MPP7: variants seen among roughly 807,000 people sequenced by gnomAD.
MPP7 encodes MAGUK p55 scaffold protein 7.
Under a neutral mutation model 76.5 loss-of-function variants are expected in MPP7, and 60 were observed. The ratio of observed to expected loss-of-function variants is 0.78; its 90% CI spans 0.64 to 0.97. MPP7 has a LOEUF of 0.97. Among genes scored for constraint, MPP7 ranks in the 50% least tolerant of loss-of-function variants. MPP7 has a pLI of 0.00. For missense variants in MPP7, 641 were observed against 694.0 expected (o/e 0.92, Z 0.86); for synonymous variants, 237 against 244.5 (o/e 0.97, Z 0.29).
chr10:28,295,265 C>A (rs1230282407), intron 1 of MPP7, among the ~76,000 whole-genome samples: 1 of 152,008 alleles, frequency 6.6e-6, no homozygotes, highest in Non-Finnish European at 1.5e-5. Flanking sequence ...GAAACGAAAA[C>A]AGTGTTAGTT....
chr10:28,232,752 T>A (rs990792485), intron 2 of MPP7, among the ~76,000 whole-genome samples: 1 of 152,140 alleles, frequency 6.6e-6, no homozygotes, highest in South Asian at 2.1e-4. Flanking sequence ...TAGTCTGACG[T>A]AGGAGTCATT....
intron 3 of MPP7, among the ~76,000 whole-genome samples, chr10:28,161,121 T>C (rs1379379473): frequency 6.6e-6 from 1 of 152,218 alleles, no homozygotes; most frequent in Admixed American, 6.5e-5. Context: ...GCTATTATCA[T>C]CTTCTTTTAT....
intron 3 of MPP7, among the ~76,000 whole-genome samples, chr10:28,179,343 T>A (rs2133900438): frequency 6.6e-6 from 1 of 152,304 alleles, no homozygotes; most frequent in East Asian, 1.9e-4. Context: ...AATTACACAC[T>A]TACTCAAGTG....
At chr10:28,186,250 G>T (rs889970179) in intron 3 of MPP7, among the ~76,000 whole-genome samples, 24 of 151,956 alleles carry the variant, frequency 1.6e-4, no homozygotes, top group Non-Finnish European at 2.9e-4. Context: ...GGAGGCTGAG[G>T]CAGGAGAATC....
intron 1 of MPP7, among the ~76,000 whole-genome samples, chr10:28,243,506 C>T (rs570426425): frequency 1.3e-5 from 2 of 151,866 alleles, no homozygotes; most frequent in Admixed American, 6.6e-5. Flanking sequence ...CATGCATGAA[C>T]GACATCCATT....
chr10:28,067,063 G>A (rs534575914), intron 13 of MPP7, among the ~76,000 whole-genome samples: 134 of 152,234 alleles, frequency 8.8e-4, no homozygotes, highest in South Asian at 5.4e-3. Context: ...TGTGCAGTAG[G>A]AGCGGAATTG....
At chr10:28,066,589 A>G (rs1242175171) in intron 13 of MPP7, among the ~76,000 whole-genome samples, 2 of 152,162 alleles carry the variant, frequency 1.3e-5, no homozygotes, top group Non-Finnish European at 2.9e-5. Context: ...AATAACTGAT[A>G]TATATACACA....
At chr10:28,081,629 T>G (rs1852763129) in intron 12 of MPP7, among the ~76,000 whole-genome samples, 1 of 152,194 alleles carries the variant, frequency 6.6e-6, no homozygotes, top group Admixed American at 6.5e-5. Context: ...TCATTAAATA[T>G]AAGAATAAAA....
intron 5 of MPP7, among the ~76,000 whole-genome samples, chr10:28,138,026 T>C (rs1419284427): frequency 6.6e-6 from 1 of 152,218 alleles, no homozygotes; most frequent in African/African-American, 2.4e-5. Context: ...GAAGCTTCAT[T>C]CATCTTGCAT....
chr10:28,313,514 AAAAT>A (rs944620482), intron 2 of MPP7, among the ~76,000 whole-genome samples: 13 of 58,132 alleles, frequency 2.2e-4, no homozygotes, highest in Non-Finnish European at 3.2e-4. Flanking sequence ...TCAGAAAGAT[AAAAT>A]AAAAAAAAAG....
intron 11 of MPP7, among the ~76,000 whole-genome samples, chr10:28,109,984 A>T (rs1377855293): frequency 2.0e-5 from 3 of 151,568 alleles, no homozygotes. Flanking sequence ...TTTAAACATC[A>T]TGCAGGGTTT....
chr10:28,078,927 A>T (rs1347336069), intron 12 of MPP7, among the ~76,000 whole-genome samples: 1 of 152,224 alleles, frequency 6.6e-6, no homozygotes, highest in Non-Finnish European at 1.5e-5. Context: ...TAAATTTAAG[A>T]AAACAGTCAC....
chr10:28,151,368 AGAAACTAT>A (rs1330626526), intron 3 of MPP7, among the ~76,000 whole-genome samples: 2 of 152,238 alleles, frequency 1.3e-5, no homozygotes, highest in Non-Finnish European at 2.9e-5. Context: ...ATTTGATTTG[AGAAACTAT>A]GAACATTTAA....
chr10:28,158,916 T>C (rs1836163031), intron 3 of MPP7, among the ~76,000 whole-genome samples: 1 of 152,128 alleles, frequency 6.6e-6, no homozygotes, highest in South Asian at 2.1e-4. Context: ...GAACTGGATC[T>C]CCTTTCAAAA....
intron 2 of MPP7, among the ~76,000 whole-genome samples, chr10:28,212,303 C>G (rs1838164904): frequency 6.6e-6 from 1 of 151,982 alleles, no homozygotes; most frequent in Non-Finnish European, 1.5e-5. Flanking sequence ...TACACAAGTT[C>G]AGGTGGATTT....
intron 3 of MPP7, among the ~76,000 whole-genome samples, chr10:28,192,122 A>C (rs1837432017): frequency 6.6e-6 from 1 of 152,056 alleles, no homozygotes; most frequent in Non-Finnish European, 1.5e-5. Context: ...CACAATAAAA[A>C]CTCTGAGCAA....
chr10:28,281,895 C>A (rs1233656918), intron 1 of MPP7: 1 of 152,068 alleles, frequency 6.6e-6, no homozygotes, highest in Non-Finnish European at 1.5e-5. Context: ...CTAACGTTTT[C>A]AGTTGCATGC....
chr10:28,221,170 A>T (rs528325940), intron 2 of MPP7, among the ~76,000 whole-genome samples: 50 of 152,296 alleles, frequency 3.3e-4, no homozygotes, highest in African/African-American at 1.2e-3. Flanking sequence ...TCCACCGTGA[A>T]TTTTAGAAAA....
intron 3 of MPP7, among the ~76,000 whole-genome samples, chr10:28,199,995 G>A (rs557327149): frequency 2.6e-5 from 4 of 152,058 alleles, no homozygotes; most frequent in East Asian, 1.9e-4. Context: ...TAACAGCTTC[G>A]ACTGCAGGCA....
Sources: gnomAD v4.1 joint callset for allele counts (sites outside exome capture counted in the v4.1 genomes callset) on GRCh38, gnomAD v4.1.1 for gene constraint, MANE v1.5 for transcripts, NCBI Gene and HGNC (gene_info 2026-07-23, HGNC 2026-07-21) for gene names.